The following AURKB variants were observed in gnomAD, a reference collection of about 807,000 sequenced individuals.
AURKB encodes aurora kinase B.
In AURKB, 28 loss-of-function variants were observed where a neutral mutation model predicts 36.5. That is an observed-to-expected ratio of 0.77 (90% confidence interval 0.57 to 1.05). The LOEUF (loss-of-function observed/expected upper bound fraction) is 1.05. Ranked by LOEUF, AURKB falls within the 50% of genes least tolerant of loss-of-function variation. The pLI, the probability that AURKB is intolerant of heterozygous loss-of-function variation, is 0.00. For missense variants in AURKB, 383 were observed against 447.4 expected (o/e 0.86, Z 1.30); for synonymous variants, 175 against 172.9 (o/e 1.01, Z -0.09).
downstream of AURKB, chr17:8,204,733 A>C: frequency 8.4e-7 from 1 of 1,190,176 alleles, no homozygotes; most frequent in Non-Finnish European, 1.2e-6. Flanking sequence ...ATCTACACTC[A>C]TGAGTACAAA....
In AURKB at chr17:8,206,825, T is replaced by C. The variant is rs1411048550; in HGVS notation, c.462A>G (p.Leu154=). ...FYDRRRIYLI[L]EYAPRGELYK... is the part of the protein sequence containing the mutation. ...AGAGCTCCCCGCGGGGGGCATACTC[T>C]AGAATCAAGTAGATCCTCCTCCGGT... is the stretch of plus-strand genomic sequence containing the variant. Residue 154 remains leucine, a synonymous_variant, in exon 6 of 9, where the codon CTA becomes CTG. Transcript: ENST00000585124. This position sits in a 1 kb window ranked among gnomAD's most constrained non-coding sequence, Gnocchi z 4.2. 6.2e-7 allele frequency: 1 copy of C among 1,614,220 alleles called. No individual in the cohort carries two copies. Among genetic ancestry groups the C allele is most frequent in the Admixed American group, 1.7e-5 (1 of 60,028 alleles).
At chr17:8,205,648 T>C (rs1033651234) in intron 7 of AURKB, among the ~76,000 whole-genome samples, 4 of 152,176 alleles carry the variant, frequency 2.6e-5, no homozygotes, top group African/African-American at 7.2e-5. Context: ...CAGTGTTCAT[T>C]TGGAGTTCAC....
In AURKB at chr17:8,206,697, C is replaced by G; in HGVS notation, c.537+53G>C. The G allele has an allele frequency of 6.2e-7, 1 of 1,613,122 alleles. No homozygotes were observed. ...GATGGACCTCCAGCTACAAGCAGCA[C>G]ACCCTCAGCCTCGAGCCCCCTACTG... On this transcript the variant is annotated intron_variant, in intron 6 of 8. Transcript: ENST00000585124. The surrounding 1 kb of genome is among the most constrained non-coding windows in gnomAD (Gnocchi z 4.2).
At chr17:8,208,593 A>AAAATAAAT (rs60763099) in intron 2 of AURKB, among the ~76,000 whole-genome samples, 29,745 of 141,112 alleles carry the variant, frequency 0.21, 3,539 homozygotes, top group Non-Finnish European at 0.26. Flanking sequence ...TCCGTCTCAA[A>AAAATAAAT]AAATAAATAA....
rs1458939205 is a variant in AURKB at position 8,205,287 on chromosome 17, A to G, written c.790T>C (p.Tyr264His). Residue 264 changes from tyrosine to histidine, a missense_variant, in exon 8 of 9, where the codon TAT becomes CAT. Tyr to His is a moderately conservative substitution (Grantham distance 83). Transcript: ENST00000585124. Reference protein sequence around the residue: ...VDLWCIGVLCYELLVGNPPFE... With the variant: ...VDLWCIGVLCHELLVGNPPFE... ...GGTGGGTTCCCCACCAGCAGCTCAT[A>G]GCAAAGCACTCCAATGCACCACAGA... 6.2e-7 allele frequency: 1 copy of G among 1,614,190 alleles called. No individual in the cohort carries two copies. The highest frequency in any genetic ancestry group is 1.7e-5 in the Admixed American group (1 of 60,018).
Position 8,204,893 on chromosome 17 carries a change from G to T in AURKB, c.1013C>A (p.Ser338Tyr). The T allele has an allele frequency of 6.2e-7, 1 of 1,609,328 alleles. No homozygotes were observed. Among genetic ancestry groups the T allele is most frequent in the Non-Finnish European group, 8.5e-7 (1 of 1,178,926 alleles). Residue 338 changes from serine (S) to tyrosine (Y), a missense_variant, in exon 9 of 9, where the codon TCT (serine) becomes TAT (tyrosine). This residue lies in a region of AURKB where 219 missense variants were observed against 252.6 expected (regional missense o/e 0.87). Coordinates refer to ENST00000585124, the MANE Select transcript of AURKB (RefSeq NM_004217.4). ...RANSRRVLPP[S>Y]ALQSVA ...CCATCAGGCGACAGATTGAAGGGCAGAGGGAGGCAGCACCCTCCGAGAGTT... is the reference window on the plus strand; with the variant it reads ...CCATCAGGCGACAGATTGAAGGGCATAGGGAGGCAGCACCCTCCGAGAGTT...
Position 8,210,234 on chromosome 17 carries a change from G to C in AURKB, c.-10C>G. 6.2e-7 allele frequency: 1 copy of C among 1,600,616 alleles called. No homozygotes were observed. Among genetic ancestry groups the C allele is most frequent in the Non-Finnish European group, 8.5e-7 (1 of 1,173,472 alleles). Reference sequence around the variant, plus strand: ...TCTCCTTCTGGGCCATCCTTAGAGAGAAAGGGGGAGGAGAGCTGGGCGGAG... The same window carrying C: ...TCTCCTTCTGGGCCATCCTTAGAGACAAAGGGGGAGGAGAGCTGGGCGGAG... On this transcript the variant is annotated 5_prime_UTR_variant, in exon 2 of 9. Coordinates refer to ENST00000585124, the MANE Select transcript of AURKB (RefSeq NM_004217.4).
In AURKB at chr17:8,207,079, T is replaced by A. The variant is rs1177897816; in HGVS notation, c.398+97A>T. ...AGAGCTAAATGGGGCTCACTAGCCA[T>A]AGCTACAGAGAAAGCAATCTGGATG... On this transcript the variant is annotated intron_variant, in intron 5 of 8. Coordinates refer to ENST00000585124, the MANE Select transcript of AURKB (RefSeq NM_004217.4). 24 of 1,479,946 alleles carry A rather than the reference T, an allele frequency of 1.6e-5. No individual in the cohort carries two copies. In the South Asian group the frequency reaches 1.9e-4, roughly 12 times the overall value. 91.7% of individuals were successfully genotyped at this position (1,479,946 alleles called of 1,614,324 possible). A position where few individuals can be genotyped will look rare whatever the true frequency, so the allele number is the denominator to read the frequency against.
At chr17:8,210,270 G>A in intron 1 of AURKB, 21 bp from the exon 2 acceptor site, 1 of 1,495,464 alleles carries the variant, frequency 6.7e-7, no homozygotes, top group Non-Finnish European at 9.2e-7. Flanking sequence ...AAGGGAAACA[G>A]CCGTGAGAAG....
chr17:8,205,505 G>A (rs1009239027), intron 7 of AURKB, 115 bp from the exon 8 acceptor site: 19 of 1,307,804 alleles, frequency 1.5e-5, no homozygotes, highest in Non-Finnish European at 1.9e-5. Flanking sequence ...GAGAGGTCCA[G>A]CCAGGCAAGG....
chr17:8,209,969 G>A (rs1985886709), intron 2 of AURKB: 5 of 641,966 alleles, frequency 7.8e-6, no homozygotes, highest in Admixed American at 2.6e-5. Context: ...GGGAGTCACT[G>A]GCTGGTCAGA....
Position 8,206,774 on chromosome 17 carries a change from T to C in AURKB, c.513A>G (p.Thr171=), listed in dbSNP as rs1201429295. Residue 171 remains threonine (T), a synonymous_variant, in exon 6 of 9, where the codon ACA becomes ACG. Coordinates refer to ENST00000585124, the MANE Select transcript of AURKB (RefSeq NM_004217.4). This position sits in a 1 kb window ranked among gnomAD's most constrained non-coding sequence, Gnocchi z 4.2. ...CCGTGGCTGTTCGCTGCTCGTCAAATGTGCAGCTCTTCTGCAGCTCCTTGT... is the reference window on the plus strand; with the variant it reads ...CCGTGGCTGTTCGCTGCTCGTCAAACGTGCAGCTCTTCTGCAGCTCCTTGT... The part of the protein sequence containing the change: ...ELYKELQKSC[T]FDEQRTATIM... The C allele has an allele frequency of 1.9e-6, 3 of 1,614,102 alleles. No homozygotes were observed. The highest frequency in any genetic ancestry group is 1.1e-5 in the South Asian group (1 of 91,088).
chr17:8,210,210 C>T lies in AURKB; in HGVS notation c.15G>A (p.Glu5=). The change falls in exon 2 of 9, where the codon GAG becomes GAA. Residue 5 remains glutamate, a synonymous_variant. Coordinates refer to ENST00000585124, the MANE Select transcript of AURKB (RefSeq NM_004217.4). Reference sequence around the variant, plus strand: ...GGCCGTAGGGCCAGGGGTAGGAGTTCTCCTTCTGGGCCATCCTTAGAGAGA... The same window carrying T: ...GGCCGTAGGGCCAGGGGTAGGAGTTTTCCTTCTGGGCCATCCTTAGAGAGA... The part of the protein sequence containing the change: MAQK[E]NSYPWPYGRQ... 1.2e-6 allele frequency: 2 copies of T among 1,610,236 alleles called. No homozygotes were observed. Among genetic ancestry groups the T allele is most frequent in the Non-Finnish European group, 1.7e-6 (2 of 1,178,922 alleles).
Position 8,206,995 on chromosome 17 carries a change from C to A in AURKB, c.399-107G>T. 1.3e-6 allele frequency: 2 copies of A among 1,549,454 alleles called. No homozygotes were observed. Among genetic ancestry groups the A allele is most frequent in the Non-Finnish European group, 1.7e-6 (2 of 1,144,766 alleles). ...GTGGCCCAGGCCGGGGACACCAGGG[C>A]TGGGAGTGGTAAGGGGAAACTGGAG... On this transcript the variant is annotated intron_variant, in intron 5 of 8. Coordinates refer to ENST00000585124, the MANE Select transcript of AURKB (RefSeq NM_004217.4). The surrounding 1 kb of genome is among the most constrained non-coding windows in gnomAD (Gnocchi z 4.2).
chr17:8,206,527 G>T lies in AURKB; in HGVS notation c.650C>A (p.Ala217Asp). The T allele has an allele frequency of 6.2e-7, 1 of 1,614,170 alleles. No homozygotes were observed. Among genetic ancestry groups the T allele is most frequent in the Non-Finnish European group, 8.5e-7 (1 of 1,180,022 alleles). The change falls in exon 7 of 9, where the codon GCT becomes GAT. Residue 217 changes from alanine to aspartate, a missense_variant. This residue lies in a region of AURKB where 219 missense variants were observed against 252.6 expected (regional missense o/e 0.87). Transcript: ENST00000585124. This position sits in a 1 kb window ranked among gnomAD's most constrained non-coding sequence, Gnocchi z 4.2. ...CGCATGCACAGACCAGCCGAAGTCA[G>T]CAATCTTCAGCTCTCCCTTGAGCCC... ...LLGLKGELKI[A>D]DFGWSVHAPS...
In AURKB at chr17:8,205,015, G is replaced by A; in HGVS notation, c.891C>T (p.Pro297=). The A allele has an allele frequency of 6.3e-7, 1 of 1,590,922 alleles. No homozygotes were observed. The highest frequency in any genetic ancestry group is 8.5e-7 in the Non-Finnish European group (1 of 1,171,402). Residue 297 remains proline (P), a synonymous_variant, in exon 9 of 9, where the codon CCC becomes CCT. Coordinates refer to ENST00000585124, the MANE Select transcript of AURKB (RefSeq NM_004217.4). Reference sequence around the variant, plus strand: ...TGGAGATGAGGTCCTGGGCTCCCATGGGCACGGAAGCGGGGAACTTTAGGT... The same window carrying A: ...TGGAGATGAGGTCCTGGGCTCCCATAGGCACGGAAGCGGGGAACTTTAGGT... The part of the protein sequence containing the change: ...KVDLKFPASV[P]MGAQDLISKL...
Position 8,206,705 on chromosome 17 carries a change from G to T in AURKB, c.537+45C>A, listed in dbSNP as rs368991772. 47 of 1,612,790 alleles carry T rather than the reference G, an allele frequency of 2.9e-5. No homozygotes were observed. The highest frequency in any genetic ancestry group is 1.0e-4 in the Admixed American group (6 of 59,994). On this transcript the variant is annotated intron_variant, in intron 6 of 8. Coordinates refer to ENST00000585124, the MANE Select transcript of AURKB (RefSeq NM_004217.4). The surrounding 1 kb of genome is among the most constrained non-coding windows in gnomAD (Gnocchi z 4.2). Reference sequence around the variant, plus strand: ...TCCAGCTACAAGCAGCACACCCTCAGCCTCGAGCCCCCTACTGGCGCCCCA... The same window carrying T: ...TCCAGCTACAAGCAGCACACCCTCATCCTCGAGCCCCCTACTGGCGCCCCA...
In AURKB at chr17:8,206,528, C is replaced by A. The variant is rs1206885296; in HGVS notation, c.649G>T (p.Ala217Ser). 6.2e-7 allele frequency: 1 copy of A among 1,614,192 alleles called. No homozygotes were observed. ...LLGLKGELKIADFGWSVHAPS... is the reference protein window; with the variant it reads ...LLGLKGELKISDFGWSVHAPS... ...GCATGCACAGACCAGCCGAAGTCAG[C>A]AATCTTCAGCTCTCCCTTGAGCCCT... is the stretch of plus-strand genomic sequence containing the variant. Residue 217 changes from alanine to serine, a missense_variant, in exon 7 of 9, where the codon GCT (alanine) becomes TCT (serine). Ala to Ser is a moderately conservative substitution (Grantham distance 99). Around this residue, in one of 3 missense-constraint regions of AURKB, gnomAD observed 219 missense variants for 252.6 expected, o/e 0.87. Transcript: ENST00000585124. The surrounding 1 kb of genome is among the most constrained non-coding windows in gnomAD (Gnocchi z 4.2).
At chr17:8,207,459 C>T (rs1368323976) in intron 4 of AURKB, 92 bp from the exon 5 acceptor site, 21 of 1,549,446 alleles carry the variant, frequency 1.4e-5, no homozygotes, top group South Asian at 1.2e-4. Context: ...TCCTGTCCTC[C>T]GCCCCACTTG....
Sources: allele counts gnomAD v4.1 joint callset (sites outside exome capture counted in the v4.1 genomes callset), GRCh38; gene constraint gnomAD v4.1.1; regional missense constraint gnomAD v4.1.1; non-coding constraint Gnocchi (gnomAD v3.1); transcripts MANE v1.5; gene names NCBI Gene and HGNC (gene_info 2026-07-23, HGNC 2026-07-21).